The following SNX29 variants were observed in gnomAD, a reference collection of about 807,000 sequenced individuals.
SNX29 encodes sorting nexin-29.
Under a neutral mutation model 102.1 loss-of-function variants are expected in SNX29, and 78 were observed. The observed-to-expected ratio is 0.76, with a 90% CI of 0.64 to 0.92. The LOEUF (loss-of-function observed/expected upper bound fraction) is 0.92. Ranked by LOEUF, SNX29 falls within the 40% of genes least tolerant of loss-of-function variation. The pLI, the probability that SNX29 is intolerant of heterozygous loss-of-function variation, is 0.00. For synonymous variants in SNX29, 580 were observed against 414.5 expected (o/e 1.40, Z -4.85); for missense variants, 1,280 against 1,061.7 (o/e 1.21, Z -2.86).
chr16:12,571,848 C>G lies in SNX29; in HGVS notation c.*3219C>G. ...TTCCCACTTAGCAGTATGCTCCAATCACGTTGCTGGCAAGGCATTTTAGAG... is the reference window on the plus strand; with the variant it reads ...TTCCCACTTAGCAGTATGCTCCAATGACGTTGCTGGCAAGGCATTTTAGAG... On this transcript the variant is annotated 3_prime_UTR_variant, in exon 21 of 21. Coordinates refer to ENST00000566228, the MANE Select transcript of SNX29 (RefSeq NM_032167.5). 1 of 1,057,358 alleles carries G rather than the reference C, an allele frequency of 9.5e-7. No homozygotes were observed. The highest frequency in any genetic ancestry group is 1.6e-5 in the African/African-American group (1 of 60,870). The allele number at this position is 1,057,358 out of a possible 1,614,324, so 65.5% of individuals were successfully genotyped here.
At chr16:12,075,240 C>T (rs974050260) in intron 10 of SNX29, among the ~76,000 whole-genome samples, 2 of 152,196 alleles carry the variant, frequency 1.3e-5, no homozygotes, top group Admixed American at 6.5e-5. Flanking sequence ...GAGAGGTGCT[C>T]TGCTTTTTAG....
intron 18 of SNX29, among the ~76,000 whole-genome samples, chr16:12,429,332 C>T (rs1035546001): frequency 2.0e-5 from 3 of 152,220 alleles, no homozygotes; most frequent in Non-Finnish European, 4.4e-5. Flanking sequence ...CACATAGATA[C>T]GATTGCAGTT....
chr16:12,365,235 C>A (rs56666563), intron 16 of SNX29, among the ~76,000 whole-genome samples: 6,694 of 152,092 alleles, frequency 0.044, 287 homozygotes, highest in African/African-American at 0.11. Flanking sequence ...TCAGATACTT[C>A]TGTGGTGAAG....
At chr16:12,528,590 C>A (rs1321266110) in intron 20 of SNX29, among the ~76,000 whole-genome samples, 1 of 152,158 alleles carries the variant, frequency 6.6e-6, no homozygotes, top group Non-Finnish European at 1.5e-5. Context: ...GAACCCCCAT[C>A]TCCTGTTGTC....
rs1359508096 is a variant in SNX29 at position 12,572,804 on chromosome 16, AG to A, written c.*4176del. ...CTCACTCCTCCTTCCCCAGTACATCAGACTGGTTAGGAGGCATCCCAGAAGG... is the reference window on the plus strand; with the variant it reads ...CTCACTCCTCCTTCCCCAGTACATCAACTGGTTAGGAGGCATCCCAGAAGG... On this transcript the variant is annotated 3_prime_UTR_variant, in exon 21 of 21. Transcript: ENST00000566228. 1.7e-4 allele frequency: 184 copies of A among 1,063,782 alleles called. No homozygotes were observed. The highest frequency in any genetic ancestry group is 1.4e-3 in the Admixed American group (27 of 18,696). 65.9% of individuals were successfully genotyped at this position (1,063,782 alleles called of 1,614,324 possible).
chr16:12,474,533 G>A (rs755748284), intron 18 of SNX29, among the ~76,000 whole-genome samples: 1 of 152,116 alleles, frequency 6.6e-6, no homozygotes, highest in Non-Finnish European at 1.5e-5. Context: ...TGGAGAAGAG[G>A]GAGACTGAGG....
chr16:12,320,817 A>G (rs1209723902), intron 15 of SNX29, among the ~76,000 whole-genome samples: 1 of 152,206 alleles, frequency 6.6e-6, no homozygotes, highest in Non-Finnish European at 1.5e-5. Flanking sequence ...ATCGTGTTCC[A>G]ATTCTTTAGA....
intron 13 of SNX29, among the ~76,000 whole-genome samples, chr16:12,184,831 G>A (rs1287787869): frequency 1.3e-5 from 2 of 152,240 alleles, no homozygotes; most frequent in Non-Finnish European, 2.9e-5. Flanking sequence ...GTGACAGACA[G>A]CTTGAGGGAG....
At chr16:12,533,055 G>A (rs1004831178) in intron 20 of SNX29, among the ~76,000 whole-genome samples, 6 of 151,878 alleles carry the variant, frequency 4.0e-5, no homozygotes, top group Admixed American at 6.6e-5. Flanking sequence ...AAGGGGAAAC[G>A]ATGGTGCCTT....
chr16:12,069,183 A>G, intron 10 of SNX29, 51 bp downstream of exon 10: 6 of 1,477,506 alleles, frequency 4.1e-6, no homozygotes, highest in Non-Finnish European at 4.7e-6. Context: ...TCCTATTCAC[A>G]GCTGTGCATT....
In SNX29 at chr16:12,195,553, A is replaced by G. The variant is rs368561612; in HGVS notation, c.1596-4048A>G. On this transcript the variant is annotated intron_variant, in intron 13 of 20. Coordinates refer to ENST00000566228, the MANE Select transcript of SNX29 (RefSeq NM_032167.5). Reference sequence around the variant, plus strand: ...CGAGGAAAGTTCCTTAGCCTCTCTTAGCAAAGCTGGCTGGTCAGGAGGATC... The same window carrying G: ...CGAGGAAAGTTCCTTAGCCTCTCTTGGCAAAGCTGGCTGGTCAGGAGGATC... Among the ~76,000 whole-genome samples the G allele has an allele frequency of 2.6e-5, 4 of 152,182 alleles. No individual in the cohort carries two copies. In the South Asian group the frequency reaches 6.2e-4, roughly 24 times the overall value.
chr16:12,301,428 C>T (rs2080170143), intron 15 of SNX29, among the ~76,000 whole-genome samples: 2 of 152,224 alleles, frequency 1.3e-5, no homozygotes, highest in Admixed American at 6.5e-5. Flanking sequence ...GTTTCCTATA[C>T]TCCCTCTCCC....
chr16:12,026,330 G>A (rs1468231759), intron 3 of SNX29, among the ~76,000 whole-genome samples: 2 of 152,168 alleles, frequency 1.3e-5, no homozygotes, highest in African/African-American at 4.8e-5. Context: ...TAACTTATTT[G>A]TGTACCTCCC....
rs183779838 is a variant in SNX29, at chr16:12,056,278, G to A, written c.1124+4056G>A. On this transcript the variant is annotated intron_variant, in intron 8 of 20. Coordinates refer to ENST00000566228, the MANE Select transcript of SNX29 (RefSeq NM_032167.5). ...GGGTGAGGCTGGTGTGTGAGCCAAG[G>A]CAGCCCCCAGCATTGTGTGTAAATG... 6.0e-4 allele frequency among the ~76,000 whole-genome samples: 91 copies of A among 152,264 alleles called. No homozygotes were observed. The Middle Eastern group carries it at 0.017, about 28-fold the overall frequency.
At chr16:12,370,102 A>G (rs774360200) in intron 16 of SNX29, among the ~76,000 whole-genome samples, 10 of 151,516 alleles carry the variant, frequency 6.6e-5, no homozygotes, top group Non-Finnish European at 1.3e-4. Context: ...TGTGCCCTTA[A>G]TCCCAGCTAC....
chr16:12,563,094 A>C (rs1213250611), intron 20 of SNX29, among the ~76,000 whole-genome samples: 1 of 142,844 alleles, frequency 7.0e-6, no homozygotes, highest in Non-Finnish European at 1.6e-5. Context: ...GTTACATAGA[A>C]GACGCACGCT....
chr16:12,227,117 T>C (rs1048106735), intron 14 of SNX29, among the ~76,000 whole-genome samples: 3 of 147,866 alleles, frequency 2.0e-5, no homozygotes, highest in Non-Finnish European at 3.0e-5. Flanking sequence ...AGCATTGCTG[T>C]TGTCATGCAG....
At chr16:12,299,871 T>A (rs1310596320) in intron 15 of SNX29, among the ~76,000 whole-genome samples, 1 of 152,040 alleles carries the variant, frequency 6.6e-6, no homozygotes, top group Non-Finnish European at 1.5e-5. Flanking sequence ...TAAATAAAAT[T>A]TCTTTTTTTC....
In SNX29 at chr16:12,570,371, G is replaced by C. The variant is rs954261011; in HGVS notation, c.*1742G>C. 11 of 457,172 alleles carry C rather than the reference G, an allele frequency of 2.4e-5. No homozygotes were observed. Among genetic ancestry groups the C allele is most frequent in the Non-Finnish European group, 3.4e-5 (11 of 322,838 alleles). 28.3% of individuals were successfully genotyped at this position (457,172 alleles called of 1,614,324 possible). ...CTGCCAACATTGCTGCAATACACAT[G>C]GTTTATCTGAAATTCCAAGGCCAGA... On this transcript the variant is annotated 3_prime_UTR_variant, in exon 21 of 21. Transcript: ENST00000566228.
Sources: gnomAD v4.1 joint callset for allele counts (sites outside exome capture counted in the v4.1 genomes callset) on GRCh38, gnomAD v4.1.1 for gene constraint, MANE v1.5 for transcripts, NCBI Gene and HGNC (gene_info 2026-07-23, HGNC 2026-07-21) for gene names.